Variants in PAM observed in about 807,000 individuals in gnomAD.
PAM encodes peptidylglycine alpha-amidating monooxygenase.
In PAM, 72 loss-of-function variants were observed where a neutral mutation model predicts 122.1. The observed-to-expected ratio is 0.59, with a 90% CI of 0.49 to 0.72. The LOEUF is 0.72. Ranked by LOEUF, PAM falls within the 30% of genes least tolerant of loss-of-function variation. PAM has a pLI of 0.00. For synonymous variants in PAM, 389 were observed against 404.4 expected, an observed-to-expected ratio of 0.96 and a Z score of 0.46; for missense variants, 1,106 against 1,183.7, an observed-to-expected ratio of 0.93 and a Z score of 0.96.
chr5:102,978,886 T>C (rs577990136), intron 15 of PAM, among the ~76,000 whole-genome samples: 129 of 151,642 alleles, frequency 8.5e-4, no homozygotes, highest in Non-Finnish European at 5.9e-4. Flanking sequence ...GCTTAGTGTT[T>C]TAGATGCATT....
intron 12 of PAM, among the ~76,000 whole-genome samples, chr5:102,953,004 G>A (rs1339535103): frequency 6.6e-6 from 1 of 152,112 alleles, no homozygotes; most frequent in East Asian, 1.9e-4. Flanking sequence ...TCCATGTACT[G>A]CGAGAACTCT....
At chr5:102,849,306 C>G (rs1780754709) in intron 1 of PAM, among the ~76,000 whole-genome samples, 1 of 152,094 alleles carries the variant, frequency 6.6e-6, no homozygotes, top group Admixed American at 6.5e-5. Context: ...CCTGTAATCC[C>G]AGCACTTTTT....
At chr5:102,895,664 AT>A (rs1796005712) in intron 3 of PAM, among the ~76,000 whole-genome samples, 1 of 151,720 alleles carries the variant, frequency 6.6e-6, no homozygotes, top group South Asian at 2.1e-4. Context: ...TGGCAGTAAG[AT>A]AGTGGACAGA....
chr5:102,797,280 CATG>C (rs1763615721), intron 1 of PAM, among the ~76,000 whole-genome samples: 1 of 152,114 alleles, frequency 6.6e-6, no homozygotes, highest in South Asian at 2.1e-4. Flanking sequence ...TCATAATAGA[CATG>C]GTGCTTTTAA....
intron 1 of PAM, among the ~76,000 whole-genome samples, chr5:102,762,615 C>A (rs1752666720): frequency 6.6e-6 from 1 of 151,946 alleles, no homozygotes; most frequent in East Asian, 1.9e-4. Context: ...CCTTCTTTCC[C>A]TGGGGAGAAT....
intron 1 of PAM, among the ~76,000 whole-genome samples, chr5:102,847,136 A>T (rs1780144084): frequency 6.6e-6 from 1 of 151,986 alleles, no homozygotes; most frequent in Non-Finnish European, 1.5e-5. Context: ...ATTTTTCCTT[A>T]TCCTTCACTC....
At chr5:102,961,098 C>G (rs910028236) in intron 13 of PAM, 60 bp from the exon 14 acceptor site, 12 of 830,008 alleles carry the variant, frequency 1.4e-5, no homozygotes, top group Middle Eastern at 2.3e-4. Context: ...TTCCAATAAA[C>G]TATTTTAAGT....
intron 4 of PAM, among the ~76,000 whole-genome samples, chr5:102,911,498 T>C (rs574829490): frequency 6.6e-6 from 1 of 152,076 alleles, no homozygotes; most frequent in East Asian, 1.9e-4. Flanking sequence ...AAAAAATGTA[T>C]GTCAGAAGGA....
chr5:103,017,283 G>C, intron 21 of PAM, 51 bp from the exon 22 acceptor site: 1 of 1,102,666 alleles, frequency 9.1e-7, no homozygotes, highest in African/African-American at 1.5e-5. Flanking sequence ...TTTTCATGAA[G>C]GATTCAAGTA....
intron 4 of PAM, among the ~76,000 whole-genome samples, chr5:102,903,507 C>A (rs1381511000): frequency 1.3e-5 from 2 of 151,476 alleles, no homozygotes; most frequent in African/African-American, 4.8e-5. Context: ...GAAACAGAGA[C>A]AGAAACATCT....
intron 1 of PAM, among the ~76,000 whole-genome samples, chr5:102,832,707 A>G (rs1296025764): frequency 2.0e-5 from 3 of 151,100 alleles, no homozygotes; most frequent in Non-Finnish European, 4.4e-5. Context: ...TTGTAATAAT[A>G]TATATATATA....
At chr5:102,779,210 G>A (rs1384106501) in intron 1 of PAM, among the ~76,000 whole-genome samples, 1 of 150,694 alleles carries the variant, frequency 6.6e-6, no homozygotes, top group Non-Finnish European at 1.5e-5. Flanking sequence ...TCAAAAATAT[G>A]CATATATATG....
chr5:102,881,125 T>TAC (rs1224315361), intron 3 of PAM, among the ~76,000 whole-genome samples: 5 of 69,058 alleles, frequency 7.2e-5, no homozygotes, highest in African/African-American at 1.9e-4. Flanking sequence ...ATAATTTTTA[T>TAC]ACATACACAC....
At chr5:102,911,280 T>C (rs1433462757) in intron 4 of PAM, among the ~76,000 whole-genome samples, 2 of 151,966 alleles carry the variant, frequency 1.3e-5, no homozygotes, top group Non-Finnish European at 2.9e-5. Flanking sequence ...ACTTCTAATA[T>C]ACTTAGCATT....
chr5:102,836,394 T>C (rs1777042546), intron 1 of PAM, among the ~76,000 whole-genome samples: 1 of 152,174 alleles, frequency 6.6e-6, no homozygotes, highest in Non-Finnish European at 1.5e-5. Flanking sequence ...CATTCCTTTT[T>C]GTTTTTTAGT....
chr5:102,804,403 G>A (rs1258192636), intron 1 of PAM, among the ~76,000 whole-genome samples: 2 of 152,118 alleles, frequency 1.3e-5, no homozygotes, highest in East Asian at 1.9e-4. Flanking sequence ...TAAGCTAGAG[G>A]GGCAGTAGTG....
intron 1 of PAM, among the ~76,000 whole-genome samples, chr5:102,777,971 G>A (rs1440358271): frequency 6.6e-6 from 1 of 152,162 alleles, no homozygotes; most frequent in African/African-American, 2.4e-5. Flanking sequence ...TTGCCCTTGA[G>A]AGACCTGCGA....
At chr5:102,796,031 C>G (rs1763293764) in intron 1 of PAM, among the ~76,000 whole-genome samples, 1 of 152,162 alleles carries the variant, frequency 6.6e-6, no homozygotes. Flanking sequence ...CCAAACAAAT[C>G]AGAATATGCA....
chr5:102,776,277 C>T (rs115990337), intron 1 of PAM, among the ~76,000 whole-genome samples: 4,218 of 151,980 alleles, frequency 0.028, 104 homozygotes, highest in East Asian at 0.13. Flanking sequence ...TTCTCTCATT[C>T]CGTAGGTTAT....
Sources: allele counts gnomAD v4.1 joint callset (sites outside exome capture counted in the v4.1 genomes callset), GRCh38; gene constraint gnomAD v4.1.1; transcripts MANE v1.5; gene names NCBI Gene and HGNC (gene_info 2026-07-23, HGNC 2026-07-21).